ERMP1: variants seen among roughly 807,000 people sequenced by gnomAD.
ERMP1 encodes Felix-ina.
In ERMP1, 86 loss-of-function variants were observed where a neutral mutation model predicts 92.0. That is an observed-to-expected ratio of 0.93 (90% CI 0.79 to 1.12). ERMP1 has a LOEUF of 1.12. ERMP1 is among the 50% of genes most tolerant of loss of function. The probability of loss-of-function intolerance (pLI) is 0.00; values close to 1 mark genes in which losing one functional copy is unlikely to be tolerated. For missense variants in ERMP1, 1,342 were observed against 1,116.3 expected, an observed-to-expected ratio of 1.20 and a Z score of -2.88; for synonymous variants, 530 against 412.8, an observed-to-expected ratio of 1.28 and a Z score of -3.44.
At position 5,785,753 on chromosome 9, in the gene ERMP1, T is replaced by C. The variant is rs1054780922; in HGVS notation, c.*1391A>G. 6.6e-6 allele frequency: 1 copy of C among 152,486 alleles called. No individual in the cohort carries two copies. Among genetic ancestry groups the C allele is most frequent in the African/African-American group, 2.4e-5 (1 of 41,462 alleles). The allele number at this position is 152,486 out of a possible 1,614,324, so 9.4% of individuals were successfully genotyped here. ...GAGCATTCCTCTCTCATTTCCTCCA[T>C]CACCCAAGATAAATCTAGCCACCCT... On this transcript the variant is annotated 3_prime_UTR_variant, in exon 15 of 15. Coordinates refer to ENST00000339450, the MANE Select transcript of ERMP1 (RefSeq NM_024896.3).
rs889121292 is a variant in ERMP1 at position 5,805,878 on chromosome 9, G to A, written c.1549-93C>T. ...AACACACTTTCCATCACTCAGGAAA[G>A]CTACATTTTGTTTTAAACACAGTCT... On this transcript the variant is annotated intron_variant, in intron 8 of 14. Coordinates refer to ENST00000339450, the MANE Select transcript of ERMP1 (RefSeq NM_024896.3). The A allele has an allele frequency of 4.0e-6, 4 of 1,005,254 alleles. No homozygotes were observed. In the African/African-American group the frequency reaches 6.8e-5, roughly 17 times the overall value. 62.3% of individuals were successfully genotyped at this position (1,005,254 alleles called of 1,614,324 possible).
In ERMP1 at chr9:5,814,608, T is replaced by C. The variant is rs565877532; in HGVS notation, c.875-1573A>G. Among the ~76,000 whole-genome samples the C allele has an allele frequency of 7.9e-5, 12 of 152,292 alleles. No homozygotes were observed. The Middle Eastern group carries it at 0.01, about 130-fold the overall frequency. On this transcript the variant is annotated intron_variant, in intron 4 of 14. Transcript: ENST00000339450. The stretch of plus-strand genomic sequence containing the variant: ...AAATACAAAAATAAGCAGGGCATGG[T>C]AATCCCAGCTGCTCAGGAGGCTGAG...
intron 3 of ERMP1, among the ~76,000 whole-genome samples, chr9:5,824,207 T>A (rs751576326): frequency 6.6e-6 from 1 of 152,138 alleles, no homozygotes; most frequent in African/African-American, 2.4e-5. Flanking sequence ...AAGTCACCTA[T>A]CACAGAAGGC....
At position 5,787,518 on chromosome 9, in the gene ERMP1, G is replaced by C. The variant is rs963841784; in HGVS notation, c.2462C>G (p.Thr821Ser). 4 of 1,614,020 alleles carry C rather than the reference G, an allele frequency of 2.5e-6. No homozygotes were observed. The African/African-American group carries it at 4.0e-5, about 16-fold the overall frequency. Reference sequence around the variant, plus strand: ...GTCTCCTCCTTTACTTGTGACTGGGGTGCCATTGCCAAGAGACCACTGAGA... The same window carrying C: ...GTCTCCTCCTTTACTTGTGACTGGGCTGCCATTGCCAAGAGACCACTGAGA... ...TLSQWSLGNG[T>S]PVTSKGGDYF... Residue 821 changes from threonine (T) to serine (S), a missense_variant, in exon 14 of 15, where the codon ACC (threonine) becomes AGC (serine). Physicochemically the swap from Thr to Ser is moderately conservative, Grantham distance 58. Coordinates refer to ENST00000339450, the MANE Select transcript of ERMP1 (RefSeq NM_024896.3).
exon 6 of ERMP1, among the ~76,000 whole-genome samples, chr9:5,859,551 G>C (rs963687444): frequency 6.6e-6 from 1 of 152,134 alleles, no homozygotes; most frequent in Admixed American, 6.5e-5. Flanking sequence ...CATCTTTTAC[G>C]GAGAGAAGTT....
chr9:5,832,568 G>T, intron 1 of ERMP1, 122 bp downstream of exon 1: 4 of 753,624 alleles, frequency 5.3e-6, no homozygotes, highest in Non-Finnish European at 7.8e-6. Context: ...CGTGCAGCCT[G>T]GGAGGGGTCA....
At position 5,798,962 on chromosome 9, in the gene ERMP1, C is replaced by T. The variant is rs757511772; in HGVS notation, c.2114G>A (p.Arg705Gln). The change falls in exon 12 of 15, where the codon CGG becomes CAG. Residue 705 changes from arginine to glutamine, a missense_variant. Arg to Gln is a conservative substitution (Grantham distance 43, BLOSUM62 1). Transcript: ENST00000339450. ...FHDLEGNAVK[R>Q]DSGIWINGFD... ...CCCATTGATCCATATTCCAGAGTCC[C>T]GTTTAACTGCATTTCCTTCCAAGTC... 2.8e-5 allele frequency: 45 copies of T among 1,613,522 alleles called. No homozygotes were observed. The highest frequency in any genetic ancestry group is 8.0e-5 in the African/African-American group (6 of 74,830).
At chr9:5,830,696 A>C in intron 2 of ERMP1, 31 bp downstream of exon 2, 3 of 1,554,994 alleles carry the variant, frequency 1.9e-6, no homozygotes, top group Non-Finnish European at 2.6e-6. Context: ...GGCTGTGACA[A>C]GTTCCAAATG....
chr9:5,821,297 T>A (rs1444650726), intron 4 of ERMP1, among the ~76,000 whole-genome samples: 2 of 152,250 alleles, frequency 1.3e-5, no homozygotes, highest in Non-Finnish European at 2.9e-5. Flanking sequence ...AACTGTTGTT[T>A]TACCTTTAAC....
At chr9:5,834,977 A>ATATGTGTG (rs566472107), upstream of ERMP1, among the ~76,000 whole-genome samples, 1 of 125,086 alleles carries the variant, frequency 8.0e-6, no homozygotes, top group Non-Finnish European at 1.7e-5. Context: ...GGATAGATAG[A>ATATGTGTG]TGTGTGTGTG....
At chr9:5,809,187 A>AT (rs528436298) in intron 8 of ERMP1, among the ~76,000 whole-genome samples, 66 of 151,468 alleles carry the variant, frequency 4.4e-4, no homozygotes, top group Non-Finnish European at 3.8e-4. Context: ...CGCCCGGCTA[A>AT]TTTTTTGTAT....
intron 11 of ERMP1, among the ~76,000 whole-genome samples, chr9:5,800,832 T>A (rs1038140729): frequency 1.3e-5 from 2 of 152,348 alleles, no homozygotes; most frequent in African/African-American, 2.4e-5. Context: ...CAGTTTAGAT[T>A]TTACTCAGCC....
At chr9:5,825,656 T>C (rs1296727622) in intron 2 of ERMP1, among the ~76,000 whole-genome samples, 2 of 152,224 alleles carry the variant, frequency 1.3e-5, no homozygotes, top group Non-Finnish European at 2.9e-5. Context: ...TCTTGCTTGT[T>C]TTCCTGCCAA....
chr9:5,861,855 C>T (rs1343873586), intron 5 of ERMP1, among the ~76,000 whole-genome samples: 1 of 149,340 alleles, frequency 6.7e-6, no homozygotes, highest in Non-Finnish European at 1.5e-5. Context: ...GGGGAGATGG[C>T]TCCTGGCCCT....
At chr9:5,822,345 A>C (rs1829573102) in intron 4 of ERMP1, among the ~76,000 whole-genome samples, 1 of 152,158 alleles carries the variant, frequency 6.6e-6, no homozygotes, top group South Asian at 2.1e-4. Flanking sequence ...TCTTCTCATT[A>C]GTTAGAGTAA....
intron 4 of ERMP1, among the ~76,000 whole-genome samples, chr9:5,821,936 C>T (rs1039031267): frequency 1.3e-5 from 2 of 152,128 alleles, no homozygotes; most frequent in African/African-American, 4.8e-5. Context: ...TGTATGTGTT[C>T]CTCCTATCCT....
intron 6 of ERMP1, among the ~76,000 whole-genome samples, chr9:5,849,973 G>C (rs890550514): frequency 3.9e-5 from 6 of 152,200 alleles, no homozygotes; most frequent in African/African-American, 7.2e-5. Flanking sequence ...TGGTGGGATT[G>C]TGGATTTCAA....
At chr9:5,857,230 C>G (rs1830387267) in intron 6 of ERMP1, among the ~76,000 whole-genome samples, 1 of 152,080 alleles carries the variant, frequency 6.6e-6, no homozygotes. Flanking sequence ...CTGTGTTGCC[C>G]AGGCTGGTCT....
chr9:5,804,969 G>A (rs1426219179), intron 10 of ERMP1, 58 bp downstream of exon 10: 1 of 1,329,928 alleles, frequency 7.5e-7, no homozygotes, highest in Non-Finnish European at 1.0e-6. Context: ...ATCTAGTATG[G>A]CTAAATTCAT....
Sources: gnomAD v4.1 joint callset for allele counts (sites outside exome capture counted in the v4.1 genomes callset) on GRCh38, gnomAD v4.1.1 for gene constraint, MANE v1.5 for transcripts, NCBI Gene and HGNC (gene_info 2026-07-23, HGNC 2026-07-21) for gene names.